Variants in MACROH2A1 observed in about 807,000 individuals in gnomAD.
MACROH2A1 encodes macroH2A.1 histone.
In MACROH2A1, 2 loss-of-function variants were observed where a neutral mutation model predicts 31.6. That is an observed-to-expected ratio of 0.06 (90% CI 0.03 to 0.20). The LOEUF (loss-of-function observed/expected upper bound fraction) is 0.20. Among genes scored for constraint, MACROH2A1 ranks in the 10% least tolerant of loss-of-function variants. The pLI is 1.00. For synonymous variants in MACROH2A1, 169 were observed against 189.6 expected, an observed-to-expected ratio of 0.89 and a Z score of 0.89; for missense variants, 230 against 474.0, an observed-to-expected ratio of 0.49 and a Z score of 4.78.
chr5:135,346,349 T>C, intron 6 of MACROH2A1: 1 of 380,480 alleles, frequency 2.6e-6, no homozygotes, highest in Non-Finnish European at 4.9e-6. Flanking sequence ...AGGACATGCT[T>C]GTTTTTTGCA....
intron 6 of MACROH2A1, among the ~76,000 whole-genome samples, chr5:135,348,401 A>C (rs1456740430): frequency 6.6e-6 from 1 of 152,258 alleles, no homozygotes; most frequent in African/African-American, 2.4e-5. Flanking sequence ...CAGTGTTCAA[A>C]ACAGCCTAAG....
intron 2 of MACROH2A1, among the ~76,000 whole-genome samples, chr5:135,372,321 C>T (rs1168470880): frequency 3.3e-5 from 5 of 152,200 alleles, no homozygotes; most frequent in Non-Finnish European, 7.3e-5. Context: ...GGGTGGAAGG[C>T]AAGATAGCCA....
intron 4 of MACROH2A1, among the ~76,000 whole-genome samples, chr5:135,364,993 G>A (rs1240623760): frequency 6.6e-6 from 1 of 152,104 alleles, no homozygotes; most frequent in Non-Finnish European, 1.5e-5. Context: ...GGTGAGGTTT[G>A]TTGATGGTTT....
rs372919507 is a variant in MACROH2A1, at chr5:135,359,365, G to A, written c.588+1132C>T. 103 of 984,828 alleles carry A rather than the reference G, an allele frequency of 1.0e-4. 1 individual carries two copies. In the East Asian group the frequency reaches 7.8e-3, roughly 75 times the overall value. The allele number at this position is 984,828 out of a possible 1,614,324, so 61.0% of individuals were successfully genotyped here. A position where few individuals can be genotyped will look rare whatever the true frequency, so the allele number is the denominator to read the frequency against. ...AGGCAGTTGTCTTCACTGCTGAGTC[G>A]AAATTTTTAAAGGAACAAAAAATAT... On this transcript the variant is annotated intron_variant, in intron 5 of 8. Coordinates refer to ENST00000511689, the MANE Select transcript of MACROH2A1 (RefSeq NM_138610.3).
chr5:135,357,161 C>T (rs1762272843), intron 5 of MACROH2A1: 1 of 152,222 alleles, frequency 6.6e-6, no homozygotes, highest in South Asian at 2.1e-4. Context: ...TCTCCAGAGG[C>T]CTTGGGCCGG....
intron 5 of MACROH2A1, chr5:135,359,622 C>T (rs747041755): frequency 9.1e-6 from 9 of 984,608 alleles, no homozygotes; most frequent in African/African-American, 5.2e-5. Flanking sequence ...GCGAGGGAAC[C>T]GTGTCACTGT....
chr5:135,337,471 C>A (rs568980766), intron 8 of MACROH2A1, among the ~76,000 whole-genome samples: 2 of 152,386 alleles, frequency 1.3e-5, no homozygotes, highest in Non-Finnish European at 1.5e-5. Context: ...CTGACACAGA[C>A]CCCTCCTGAG....
Position 135,375,509 on chromosome 5 carries a change from T to C in MACROH2A1, c.173-5367A>G, listed in dbSNP as rs73789328. 8.5e-3 allele frequency among the ~76,000 whole-genome samples: 1,298 copies of C among 152,318 alleles called. 21 individuals carry two copies. Among genetic ancestry groups the C allele is most frequent in the African/African-American group, 0.03 (1,233 of 41,568 alleles). On this transcript the variant is annotated intron_variant, in intron 2 of 8. Coordinates refer to ENST00000511689, the MANE Select transcript of MACROH2A1 (RefSeq NM_138610.3). ...CTTGAACTAAAACATATCTGTTGTA[T>C]TGAAGCATTTTGTCTATCTTCCTTC... is the stretch of plus-strand genomic sequence containing the variant.
At chr5:135,356,937 A>T (rs1762245916) in intron 5 of MACROH2A1, 1 of 152,224 alleles carries the variant, frequency 6.6e-6, no homozygotes, top group South Asian at 2.1e-4. Context: ...CAGATAAGGA[A>T]GGAAGCCTGG....
intron 8 of MACROH2A1, 116 bp from the exon 9 acceptor site, chr5:135,335,257 T>A (rs754781885): frequency 1.4e-6 from 1 of 734,078 alleles, no homozygotes; most frequent in Non-Finnish European, 2.3e-6. Flanking sequence ...TGGGTCGGTG[T>A]CTGTTGAGCC....
At chr5:135,399,815 G>GTTT (rs1274335492), upstream of MACROH2A1, 1 of 152,278 alleles carries the variant, frequency 6.6e-6, no homozygotes, top group Non-Finnish European at 1.5e-5. This position sits in a 1 kb window ranked among gnomAD's most constrained non-coding sequence, Gnocchi z 4.5. Flanking sequence ...CTTGCACATG[G>GTTT]AAGCGGTTAG....
chr5:135,339,731 C>T (rs899054471), intron 8 of MACROH2A1, among the ~76,000 whole-genome samples: 2 of 152,184 alleles, frequency 1.3e-5, no homozygotes, highest in African/African-American at 4.8e-5. Context: ...TTGCCCCAGC[C>T]ACAGGCCACT....
rs1428071813 is a variant in MACROH2A1, at chr5:135,360,501, T to C, written c.584A>G (p.Gln195Arg). Residue 195 changes from glutamine to arginine, a missense_variant, in exon 5 of 9, where the codon CAG becomes CGG. Gln to Arg is a conservative substitution (Grantham distance 43). Coordinates refer to ENST00000511689, the MANE Select transcript of MACROH2A1 (RefSeq NM_138610.3). ...TGAGGCCGCGCATCTGCCTACCTTC[T>C]GGCCAAGGAAGAGGCTCTTGGTGGA... ...VLSTKSLFLG[Q>R]KLNLIHSEIS... 6.2e-7 allele frequency: 1 copy of C among 1,604,930 alleles called. No homozygotes were observed. Among genetic ancestry groups the C allele is most frequent in the Non-Finnish European group, 8.5e-7 (1 of 1,171,676 alleles).
intron 1 of MACROH2A1, among the ~76,000 whole-genome samples, chr5:135,389,572 A>T: frequency 6.6e-6 from 1 of 152,198 alleles, no homozygotes; most frequent in Non-Finnish European, 1.5e-5. Context: ...TCTATTTTAG[A>T]TTCTTTATCT....
At chr5:135,354,799 T>C in intron 5 of MACROH2A1, 1 of 340,312 alleles carries the variant, frequency 2.9e-6, no homozygotes, top group East Asian at 7.8e-5. Flanking sequence ...AGTTCTGCAT[T>C]TGGCTCCAAG....
chr5:135,360,378 C>G (rs1762679238), intron 5 of MACROH2A1, 119 bp downstream of exon 5: 2 of 691,756 alleles, frequency 2.9e-6, no homozygotes, highest in East Asian at 5.3e-5. Context: ...ACAGCCCACT[C>G]TGTCTACCCA....
At chr5:135,360,102 A>T in intron 5 of MACROH2A1, 1 of 273,336 alleles carries the variant, frequency 3.7e-6, no homozygotes, top group Non-Finnish European at 7.0e-6. Flanking sequence ...AGTGCCCCCC[A>T]GGACAAGCAG....
intron 2 of MACROH2A1, among the ~76,000 whole-genome samples, chr5:135,378,475 CA>C (rs1765206384): frequency 6.6e-6 from 1 of 152,254 alleles, no homozygotes; most frequent in Non-Finnish European, 1.5e-5. Flanking sequence ...ATGTCTCTGG[CA>C]ATCACCCATG....
At chr5:135,364,319 A>G (rs747742375) in intron 4 of MACROH2A1, among the ~76,000 whole-genome samples, 11 of 152,238 alleles carry the variant, frequency 7.2e-5, no homozygotes, top group Non-Finnish European at 1.5e-4. Context: ...CAGCAAACCA[A>G]CATGGCACAT....
Sources: allele counts gnomAD v4.1 joint callset (sites outside exome capture counted in the v4.1 genomes callset), GRCh38; gene constraint gnomAD v4.1.1; non-coding constraint Gnocchi (gnomAD v3.1); transcripts MANE v1.5; gene names NCBI Gene and HGNC (gene_info 2026-07-23, HGNC 2026-07-21).